The following CA10 variants were observed in gnomAD, a reference collection of about 807,000 sequenced individuals.
CA10 encodes carbonic anhydrase 10 (inactive).
Under a neutral mutation model 44.2 loss-of-function variants are expected in CA10, and 14 were observed. The observed-to-expected ratio is 0.32, with a 90% CI of 0.21 to 0.50. The LOEUF is 0.50. Among genes scored for constraint, CA10 ranks in the 20% least tolerant of loss-of-function variants. CA10 has a pLI of 0.99. For missense variants in CA10, 350 were observed against 409.7 expected (o/e 0.85, Z 1.26); for synonymous variants, 159 against 141.6 (o/e 1.12, Z -0.87).
At chr17:51,733,144 C>A (rs990500261) in intron 4 of CA10, among the ~76,000 whole-genome samples, 3 of 152,204 alleles carry the variant, frequency 2.0e-5, no homozygotes, top group Non-Finnish European at 4.4e-5. Flanking sequence ...AGGATTTGTT[C>A]TTGGGTGCAG....
intron 2 of CA10, among the ~76,000 whole-genome samples, chr17:51,999,218 A>G (rs899776784): frequency 2.0e-5 from 3 of 152,042 alleles, no homozygotes; most frequent in African/African-American, 7.2e-5. Flanking sequence ...TGAGGAAGGT[A>G]TTCTTCTAGT....
intron 4 of CA10, among the ~76,000 whole-genome samples, chr17:51,692,708 G>C (rs1915256904): frequency 6.6e-6 from 1 of 152,192 alleles, no homozygotes; most frequent in Admixed American, 6.5e-5. Flanking sequence ...TGAAGGGCAT[G>C]TTGGTGTTTC....
At chr17:52,079,472 AT>A (rs1228710272) in intron 1 of CA10, among the ~76,000 whole-genome samples, 5 of 149,976 alleles carry the variant, frequency 3.3e-5, no homozygotes, top group East Asian at 1.9e-4. Flanking sequence ...AAAAAAAAAA[AT>A]TCCATTATTT....
intron 2 of CA10, among the ~76,000 whole-genome samples, chr17:51,978,766 G>A (rs1984549840): frequency 6.6e-6 from 1 of 152,004 alleles, no homozygotes; most frequent in Admixed American, 6.6e-5. Context: ...ATGGTTGCCT[G>A]AATGCCAGCA....
At chr17:51,884,533 C>T (rs1213950307) in intron 3 of CA10, among the ~76,000 whole-genome samples, 1 of 152,176 alleles carries the variant, frequency 6.6e-6, no homozygotes, top group African/African-American at 2.4e-5. Context: ...GTTCTATTCT[C>T]ATTGAGGCTT....
At chr17:51,881,254 A>AAG (rs1980362270) in intron 3 of CA10, among the ~76,000 whole-genome samples, 1 of 151,494 alleles carries the variant, frequency 6.6e-6, no homozygotes, top group African/African-American at 2.4e-5. Context: ...AAAAAAAAAA[A>AAG]AAAAAAAGTT....
At chr17:51,777,641 T>C (rs1179992201) in intron 3 of CA10, among the ~76,000 whole-genome samples, 5 of 152,144 alleles carry the variant, frequency 3.3e-5, no homozygotes, top group Non-Finnish European at 7.3e-5. Context: ...AATGGCCAAA[T>C]TGCAGATATT....
chr17:51,967,862 G>A (rs1291567470), intron 2 of CA10, among the ~76,000 whole-genome samples: 1 of 151,652 alleles, frequency 6.6e-6, no homozygotes, highest in African/African-American at 2.4e-5. Flanking sequence ...AAGAAAATAA[G>A]GAGATAGAAT....
intron 4 of CA10, among the ~76,000 whole-genome samples, chr17:51,654,587 C>T (rs900249497): frequency 6.7e-6 from 1 of 149,942 alleles, no homozygotes; most frequent in Non-Finnish European, 1.5e-5. Flanking sequence ...GTTGGAGTCT[C>T]GCTCTGTCAC....
chr17:52,068,697 A>G (rs1567722669), intron 2 of CA10, among the ~76,000 whole-genome samples: 1 of 152,218 alleles, frequency 6.6e-6, no homozygotes, highest in African/African-American at 2.4e-5. Flanking sequence ...AGGCAGTTCC[A>G]TGGTGAATTC....
chr17:52,009,647 T>C lies in CA10; in HGVS notation c.136+62672A>G, dbSNP rs564880620. On this transcript the variant is annotated intron_variant, in intron 2 of 8. Coordinates refer to ENST00000451037, the MANE Select transcript of CA10 (RefSeq NM_020178.5). The stretch of plus-strand genomic sequence containing the variant: ...TTTGTTGGATAATTTCTCTTCTAAA[T>C]TTATAATTCTGAGATGTTTAATTTT... 2.6e-5 allele frequency among the ~76,000 whole-genome samples: 4 copies of C among 152,148 alleles called. No homozygotes were observed. In the South Asian group the frequency reaches 8.3e-4, roughly 32 times the overall value.
chr17:51,688,040 C>T (rs1364579018), intron 4 of CA10, among the ~76,000 whole-genome samples: 1 of 152,174 alleles, frequency 6.6e-6, no homozygotes, highest in Non-Finnish European at 1.5e-5. Context: ...CTTATGCTCC[C>T]TTGGATCACC....
chr17:52,085,948 T>C (rs1361964798), intron 1 of CA10, among the ~76,000 whole-genome samples: 1 of 152,182 alleles, frequency 6.6e-6, no homozygotes, highest in Non-Finnish European at 1.5e-5. Context: ...CCGTGGTTTC[T>C]CCAGATAAAA....
At chr17:51,750,544 T>G (rs1288879702) in intron 3 of CA10, among the ~76,000 whole-genome samples, 1 of 152,238 alleles carries the variant, frequency 6.6e-6, no homozygotes, top group Non-Finnish European at 1.5e-5. Context: ...AACATCCTCA[T>G]GGATAAATCT....
chr17:51,926,554 A>G (rs203081), intron 3 of CA10, among the ~76,000 whole-genome samples: 103,162 of 152,040 alleles, frequency 0.68, 35,353 homozygotes, highest in Non-Finnish European at 0.71. Context: ...CTAAAATTAA[A>G]GTGTCAGTAG....
intron 1 of CA10, among the ~76,000 whole-genome samples, chr17:52,151,598 G>A (rs935847574): frequency 3.3e-5 from 5 of 152,010 alleles, no homozygotes; most frequent in African/African-American, 7.2e-5. Context: ...GTTTGCTGTC[G>A]ATACGTCTTT....
At chr17:51,694,686 TG>T (rs1438082604) in intron 4 of CA10, among the ~76,000 whole-genome samples, 34 of 152,176 alleles carry the variant, frequency 2.2e-4, no homozygotes, top group Admixed American at 2.0e-3. Flanking sequence ...TTTTTGTTTT[TG>T]TTGCAATTGC....
intron 3 of CA10, among the ~76,000 whole-genome samples, chr17:51,906,093 C>T (rs1981538465): frequency 1.3e-5 from 2 of 152,108 alleles, no homozygotes; most frequent in Admixed American, 1.3e-4. Flanking sequence ...TTGGATTATT[C>T]CCATCAGTAC....
chr17:51,950,226 G>A (rs1368419269), intron 2 of CA10, among the ~76,000 whole-genome samples: 4 of 152,038 alleles, frequency 2.6e-5, no homozygotes, highest in East Asian at 1.9e-4. Flanking sequence ...TCTCAGAAGG[G>A]CTTCTCTGAC....
Sources: allele counts gnomAD v4.1 joint callset (sites outside exome capture counted in the v4.1 genomes callset), GRCh38; gene constraint gnomAD v4.1.1; transcripts MANE v1.5; gene names NCBI Gene and HGNC (gene_info 2026-07-23, HGNC 2026-07-21).